The following SH3GL2 variants were observed in gnomAD, a reference collection of about 807,000 sequenced individuals.
SH3GL2 encodes the protein SH3 domain containing GRB2 like 2, endophilin A1.
Under a neutral mutation model 46.0 loss-of-function variants are expected in SH3GL2, and 24 were observed. The observed-to-expected ratio is 0.52, with a 90% CI of 0.38 to 0.73. SH3GL2 has a LOEUF of 0.73. Among genes scored for constraint, SH3GL2 ranks in the 30% least tolerant of loss-of-function variants. SH3GL2 has a pLI of 0.00. For missense variants in SH3GL2, 413 were observed against 424.2 expected (o/e 0.97, Z 0.23); for synonymous variants, 196 against 147.1 (o/e 1.33, Z -2.40).
intron 1 of SH3GL2, among the ~76,000 whole-genome samples, chr9:17,655,126 T>TA (rs1820044903): frequency 6.6e-6 from 1 of 152,188 alleles, no homozygotes; most frequent in Non-Finnish European, 1.5e-5. Context: ...CTAAGGGCCT[T>TA]AAGCCAGGGT....
intron 1 of SH3GL2, among the ~76,000 whole-genome samples, chr9:17,629,978 C>T (rs547174552): frequency 1.3e-5 from 2 of 152,244 alleles, no homozygotes; most frequent in African/African-American, 2.4e-5. Context: ...AAAAGTGGCA[C>T]GTTTCTGGTT....
In SH3GL2 at chr9:17,790,358, C is replaced by G. The variant is rs1326224388; in HGVS notation, c.624+808C>G. 8 of 785,896 alleles carry G rather than the reference C, an allele frequency of 1.0e-5. No homozygotes were observed. The East Asian group carries it at 5.0e-4, about 50-fold the overall frequency. The allele number at this position is 785,896 out of a possible 1,614,324, so 48.7% of individuals were successfully genotyped here. ...CTATCTGGGGATCCCTTAATCTAGT[C>G]AAGTTGTCACCTAAAATTAACCATC... On this transcript the variant is annotated intron_variant, in intron 6 of 8. Transcript: ENST00000380607.
In SH3GL2 at chr9:17,761,477, C is replaced by A; in HGVS notation, c.155C>A (p.Thr52Asn). The A allele has an allele frequency of 6.2e-7, 1 of 1,607,018 alleles. No homozygotes were observed. The highest frequency in any genetic ancestry group is 1.3e-5 in the African/African-American group (1 of 74,926). Residue 52 changes from threonine (T) to asparagine (N), a missense_variant, in exon 3 of 9, where the codon ACT becomes AAT. Thr to Asn is a moderately conservative substitution (Grantham distance 65). Transcript: ENST00000380607. ...AGCAGGGCTGTGATGGAAATAATGACTAAAACAATTGAATACCTTCAACCC... is the reference window on the plus strand; with the variant it reads ...AGCAGGGCTGTGATGGAAATAATGAATAAAACAATTGAATACCTTCAACCC... ...VTSRAVMEIM[T>N]KTIEYLQPNP...
At chr9:17,654,815 T>C (rs911188925) in intron 1 of SH3GL2, among the ~76,000 whole-genome samples, 2 of 152,100 alleles carry the variant, frequency 1.3e-5, no homozygotes, top group East Asian at 3.9e-4. Flanking sequence ...AGGATCAAAA[T>C]GCATAGAGGA....
intron 1 of SH3GL2, among the ~76,000 whole-genome samples, chr9:17,584,572 A>G (rs1303751952): frequency 6.6e-6 from 1 of 152,212 alleles, no homozygotes; most frequent in Non-Finnish European, 1.5e-5. Context: ...AATCACTCCA[A>G]CAGTTCTGTT....
At chr9:17,608,653 G>T (rs530274771) in intron 1 of SH3GL2, among the ~76,000 whole-genome samples, 18 of 152,262 alleles carry the variant, frequency 1.2e-4, no homozygotes, top group African/African-American at 4.3e-4. Context: ...CCTGAGATTT[G>T]AGAGTTGCAG....
intron 1 of SH3GL2, among the ~76,000 whole-genome samples, chr9:17,746,358 G>C (rs759350386): frequency 2.6e-4 from 39 of 152,336 alleles, no homozygotes; most frequent in Non-Finnish European, 4.7e-4. Flanking sequence ...TTACAGGTGT[G>C]AGTCACTGCG....
Position 17,664,944 on chromosome 9 carries a change from G to T in SH3GL2, c.46-82122G>T, listed in dbSNP as rs1283274727. Among the ~76,000 whole-genome samples, 6 of 151,834 alleles carry T rather than the reference G, an allele frequency of 4.0e-5. No individual in the cohort carries two copies. In the East Asian group the frequency reaches 5.8e-4, roughly 15 times the overall value. On this transcript the variant is annotated intron_variant, in intron 1 of 8. Transcript: ENST00000380607. ...TATTTCTTTGCTTTGATATTTTAAA[G>T]AAATTGATACTTTTAAAGTTTCTTT...
intron 6 of SH3GL2, among the ~76,000 whole-genome samples, chr9:17,790,631 T>G (rs559647817): frequency 1.3e-5 from 2 of 152,284 alleles, no homozygotes; most frequent in South Asian, 2.1e-4. Context: ...ACTTGGAGGC[T>G]GCTACCCAGC....
At chr9:17,675,861 C>A (rs938564384) in intron 1 of SH3GL2, among the ~76,000 whole-genome samples, 1 of 152,190 alleles carries the variant, frequency 6.6e-6, no homozygotes, top group African/African-American at 2.4e-5. Context: ...AGGAGAATCA[C>A]GTGAACCCGG....
chr9:17,618,316 C>A (rs1375179791), intron 1 of SH3GL2, among the ~76,000 whole-genome samples: 2 of 152,112 alleles, frequency 1.3e-5, no homozygotes, highest in African/African-American at 4.8e-5. Flanking sequence ...GTAGTACCTC[C>A]ATTGATATAC....
chr9:17,777,498 A>G (rs987065072), intron 3 of SH3GL2, among the ~76,000 whole-genome samples: 2 of 152,180 alleles, frequency 1.3e-5, no homozygotes, highest in African/African-American at 4.8e-5. Context: ...AATTTGATCT[A>G]TGTCAGCTCA....
chr9:17,608,057 C>T (rs571498230), intron 1 of SH3GL2, among the ~76,000 whole-genome samples: 1 of 151,108 alleles, frequency 6.6e-6, no homozygotes, highest in South Asian at 2.1e-4. Flanking sequence ...GTTTGGGGGG[C>T]TGTTTTGCAC....
intron 1 of SH3GL2, among the ~76,000 whole-genome samples, chr9:17,651,748 T>C (rs1428916362): frequency 3.9e-5 from 6 of 152,218 alleles, no homozygotes; most frequent in Non-Finnish European, 8.8e-5. Flanking sequence ...TTAAAGATGT[T>C]GTTTTCATAT....
intron 1 of SH3GL2, among the ~76,000 whole-genome samples, chr9:17,669,711 A>G (rs575970782): frequency 3.9e-5 from 6 of 152,300 alleles, no homozygotes; most frequent in East Asian, 1.9e-4. Flanking sequence ...TAAAGCTGCT[A>G]TGATCACAGG....
intron 1 of SH3GL2, among the ~76,000 whole-genome samples, chr9:17,594,618 C>T (rs1215947252): frequency 6.6e-6 from 1 of 151,962 alleles, no homozygotes; most frequent in African/African-American, 2.4e-5. Flanking sequence ...GCACGTTCTG[C>T]ACATGTATCC....
At chr9:17,620,559 T>A (rs1485232975) in intron 1 of SH3GL2, among the ~76,000 whole-genome samples, 3 of 152,296 alleles carry the variant, frequency 2.0e-5, no homozygotes, top group Non-Finnish European at 4.4e-5. Context: ...TGTGCTAGTT[T>A]GGAAGGGCAG....
intron 2 of SH3GL2, among the ~76,000 whole-genome samples, chr9:17,758,094 A>C (rs2131146560): frequency 6.6e-6 from 1 of 152,330 alleles, no homozygotes; most frequent in African/African-American, 2.4e-5. Context: ...TTTTAAAGAA[A>C]GCCTCTGATT....
At chr9:17,708,082 C>G (rs755032911) in intron 1 of SH3GL2, among the ~76,000 whole-genome samples, 11 of 152,016 alleles carry the variant, frequency 7.2e-5, no homozygotes, top group Admixed American at 2.6e-4. Flanking sequence ...GTTTTTGATT[C>G]AGTGTTGCCC....
Sources: allele counts gnomAD v4.1 joint callset (sites outside exome capture counted in the v4.1 genomes callset), GRCh38; gene constraint gnomAD v4.1.1; transcripts MANE v1.5; gene names NCBI Gene and HGNC (gene_info 2026-07-23, HGNC 2026-07-21).